The following ROCK1 variants were observed in gnomAD, a reference collection of about 807,000 sequenced individuals.
ROCK1 encodes Rho associated coiled-coil containing protein kinase 1.
In ROCK1, 36 loss-of-function variants were observed where a neutral mutation model predicts 196.8. That is an observed-to-expected ratio of 0.18 (90% CI 0.14 to 0.24). The LOEUF (loss-of-function observed/expected upper bound fraction) is 0.24. Among genes scored for constraint, ROCK1 ranks in the 10% least tolerant of loss-of-function variants. The probability of loss-of-function intolerance (pLI) is 1.00; values close to 1 mark genes in which losing one functional copy is unlikely to be tolerated. For synonymous variants in ROCK1, 443 were observed against 515.9 expected (o/e 0.86, Z 1.91); for missense variants, 920 against 1,562.0 (o/e 0.59, Z 6.93).
Position 20,974,515 on chromosome 18 carries a change from C to T in ROCK1, c.2655-4002G>A, listed in dbSNP as rs141249717. ...TATATTTCTATCCCTGGTTATGCTACTGTGCAAGAGAAAAAGCAAGAAAGA... is the reference window on the plus strand; with the variant it reads ...TATATTTCTATCCCTGGTTATGCTATTGTGCAAGAGAAAAAGCAAGAAAGA... On this transcript the variant is annotated intron_variant, in intron 22 of 32. Coordinates refer to ENST00000399799, the MANE Select transcript of ROCK1 (RefSeq NM_005406.3). Among the ~76,000 whole-genome samples, 36 of 152,270 alleles carry T rather than the reference C, an allele frequency of 2.4e-4. No individual in the cohort carries two copies. In the East Asian group the frequency reaches 6.8e-3, roughly 29 times the overall value.
intron 13 of ROCK1, among the ~76,000 whole-genome samples, chr18:21,012,463 G>A (rs2035827338): frequency 1.3e-5 from 2 of 152,110 alleles, no homozygotes; most frequent in South Asian, 4.1e-4. Flanking sequence ...AAAAAGTCAT[G>A]CCACTTCCTC....
intron 25 of ROCK1, 172 bp downstream of exon 25, chr18:20,968,600 C>G (rs2035396697): frequency 5.3e-6 from 3 of 560,838 alleles, no homozygotes; most frequent in African/African-American, 1.9e-5. Context: ...GCCACCGCGC[C>G]TGGCCTTGAA....
intron 2 of ROCK1, among the ~76,000 whole-genome samples, chr18:21,065,579 G>C (rs2036327373): frequency 6.6e-6 from 1 of 152,046 alleles, no homozygotes; most frequent in Non-Finnish European, 1.5e-5. Context: ...CATAATCACT[G>C]TTCCCAAATT....
rs2035163555 is a variant in ROCK1 at position 20,949,636 on chromosome 18, A to T, written c.*1748T>A. 1 of 152,268 alleles carries T rather than the reference A, an allele frequency of 6.6e-6. No homozygotes were observed. Among genetic ancestry groups the T allele is most frequent in the East Asian group, 1.9e-4 (1 of 5,206 alleles). 9.4% of individuals were successfully genotyped at this position (152,268 alleles called of 1,614,324 possible). A position where few individuals can be genotyped will look rare whatever the true frequency, so the allele number is the denominator to read the frequency against. On this transcript the variant is annotated 3_prime_UTR_variant, in exon 33 of 33. Transcript: ENST00000399799. ...GGTTGTCAGAGCCTCTGCTTCCCTG[A>T]TGTGTAGAAATGCAAGAGACCCATG...
chr18:21,026,622 T>C (rs544912040), intron 10 of ROCK1, among the ~76,000 whole-genome samples: 2 of 152,236 alleles, frequency 1.3e-5, no homozygotes, highest in East Asian at 3.9e-4. Flanking sequence ...TTAAGTACTA[T>C]CTTACAGTGG....
At chr18:21,050,091 C>T (rs143738100) in intron 2 of ROCK1, among the ~76,000 whole-genome samples, 1 of 152,214 alleles carries the variant, frequency 6.6e-6, no homozygotes, top group Non-Finnish European at 1.5e-5. Flanking sequence ...AACTTCATTA[C>T]AACTACTAAA....
At chr18:20,960,024 T>C (rs1231075041) in intron 28 of ROCK1, 96 bp from the exon 29 acceptor site, 1 of 1,015,750 alleles carries the variant, frequency 9.8e-7, no homozygotes, top group African/African-American at 1.6e-5. Context: ...TAGATTATAC[T>C]GTATTAATGT....
chr18:20,976,140 A>G (rs1255008952), intron 22 of ROCK1, among the ~76,000 whole-genome samples: 3 of 146,376 alleles, frequency 2.0e-5, no homozygotes, highest in South Asian at 4.2e-4. Context: ...TGAGCCTACA[A>G]CAGTGCCCCC....
Position 20,982,793 on chromosome 18 carries a change from T to C in ROCK1, c.2529A>G (p.Gln843=), listed in dbSNP as rs2035544829. The C allele has an allele frequency of 1.3e-6, 2 of 1,584,350 alleles. No homozygotes were observed. Among genetic ancestry groups the C allele is most frequent in the South Asian group, 1.1e-5 (1 of 90,198 alleles). ...RGNEGQMREL[Q]DQLEAEQYFS... Reference sequence around the variant, plus strand: ...AATATTGCTCAGCTTCAAGCTGATCTTGTAGCTCCCGCATCTGTCCTTCAT... The same window carrying C: ...AATATTGCTCAGCTTCAAGCTGATCCTGTAGCTCCCGCATCTGTCCTTCAT... The change falls in exon 21 of 33, where the codon CAA becomes CAG. Residue 843 remains glutamine (Q), a synonymous_variant. Coordinates refer to ENST00000399799, the MANE Select transcript of ROCK1 (RefSeq NM_005406.3).
chr18:21,014,355 A>T (rs1329814635), intron 13 of ROCK1, among the ~76,000 whole-genome samples: 1 of 152,052 alleles, frequency 6.6e-6, no homozygotes, highest in African/African-American at 2.4e-5. Context: ...CCTTCTTTCC[A>T]CCTTTCAAAA....
chr18:20,982,387 G>A (rs1031106490), intron 21 of ROCK1, among the ~76,000 whole-genome samples: 12 of 152,062 alleles, frequency 7.9e-5, no homozygotes, highest in Non-Finnish European at 8.8e-5. Context: ...GAGTAGCTGC[G>A]ACTACAGGTG....
intron 23 of ROCK1, among the ~76,000 whole-genome samples, chr18:20,969,669 T>C (rs1211448766): frequency 6.6e-6 from 1 of 152,164 alleles, no homozygotes; most frequent in East Asian, 1.9e-4. Flanking sequence ...TCATTCTATG[T>C]CTACTGTCTT....
intron 10 of ROCK1, among the ~76,000 whole-genome samples, chr18:21,024,642 T>A (rs2035941611): frequency 6.6e-6 from 1 of 152,254 alleles, no homozygotes; most frequent in Non-Finnish European, 1.5e-5. Context: ...ACAGTTTAAG[T>A]AAATTTTAAA....
chr18:21,020,848 T>TA (rs1205652519), intron 11 of ROCK1, among the ~76,000 whole-genome samples: 1 of 152,210 alleles, frequency 6.6e-6, no homozygotes, highest in Admixed American at 6.5e-5. Flanking sequence ...CAACTCACAT[T>TA]AAGCCTAAGA....
chr18:21,085,579 G>T (rs1405852639), intron 1 of ROCK1, among the ~76,000 whole-genome samples: 1 of 152,064 alleles, frequency 6.6e-6, no homozygotes, highest in Non-Finnish European at 1.5e-5. Flanking sequence ...AGGTAGAAAA[G>T]ATATTTTTAT....
At chr18:21,053,980 G>A (rs752799411) in intron 2 of ROCK1, among the ~76,000 whole-genome samples, 1 of 152,208 alleles carries the variant, frequency 6.6e-6, no homozygotes. Context: ...GCATCACTGT[G>A]ATTTCTACTG....
At chr18:20,957,210 A>T (rs544038356) in intron 29 of ROCK1, among the ~76,000 whole-genome samples, 54 of 152,394 alleles carry the variant, frequency 3.5e-4, no homozygotes, top group African/African-American at 1.3e-3. Flanking sequence ...AGGAATGCTC[A>T]TAAGTCTTAT....
intron 2 of ROCK1, among the ~76,000 whole-genome samples, chr18:21,050,307 A>G (rs2036193576): frequency 6.6e-6 from 1 of 151,854 alleles, no homozygotes; most frequent in African/African-American, 2.4e-5. Context: ...GATCCTTTAA[A>G]AAAAGATGTA....
chr18:20,971,781 G>C (rs2035431511), intron 22 of ROCK1, among the ~76,000 whole-genome samples: 1 of 151,508 alleles, frequency 6.6e-6, no homozygotes, highest in Non-Finnish European at 1.5e-5. Context: ...GGCCGTACAG[G>C]CAATTTAAAA....
Sources: allele counts gnomAD v4.1 joint callset (sites outside exome capture counted in the v4.1 genomes callset), GRCh38; gene constraint gnomAD v4.1.1; transcripts MANE v1.5; gene names NCBI Gene and HGNC (gene_info 2026-07-23, HGNC 2026-07-21).